The following MMP16 variants were observed in gnomAD, a reference collection of about 807,000 sequenced individuals.
The protein encoded by MMP16 is matrix metalloproteinase-16.
In MMP16, 12 loss-of-function variants were observed where a neutral mutation model predicts 67.8. That is an observed-to-expected ratio of 0.18 (90% CI 0.11 to 0.29). MMP16 has a LOEUF of 0.29. Ranked by LOEUF, MMP16 falls within the 10% of genes least tolerant of loss-of-function variation. The pLI is 1.00. For missense variants in MMP16, 475 were observed against 765.7 expected, an observed-to-expected ratio of 0.62 and a Z score of 4.48; for synonymous variants, 249 against 255.9, an observed-to-expected ratio of 0.97 and a Z score of 0.26.
At chr8:88,313,216 T>G (rs577334658) in intron 1 of MMP16, among the ~76,000 whole-genome samples, 48 of 152,328 alleles carry the variant, frequency 3.2e-4, no homozygotes, top group African/African-American at 1.1e-3. Context: ...CTCCAGTTTT[T>G]GGGGGCAGCT....
chr8:88,044,935 A>C (rs1317302423), intron 9 of MMP16, among the ~76,000 whole-genome samples: 1 of 152,236 alleles, frequency 6.6e-6, no homozygotes, highest in South Asian at 2.1e-4. Flanking sequence ...ATCTGATTTT[A>C]CTGCCTCCAA....
intron 6 of MMP16, among the ~76,000 whole-genome samples, chr8:88,087,429 A>G (rs1808852137): frequency 6.6e-6 from 1 of 151,876 alleles, no homozygotes; most frequent in Non-Finnish European, 1.5e-5. Context: ...AATAGTGGCC[A>G]GTGTGCCATG....
intron 1 of MMP16, among the ~76,000 whole-genome samples, chr8:88,243,823 C>G (rs187472569): frequency 5.9e-5 from 9 of 152,082 alleles, no homozygotes; most frequent in Non-Finnish European, 2.9e-5. Flanking sequence ...GAGTAATAAA[C>G]TGCTTTCTAG....
rs1215318434 is a variant in MMP16, at chr8:88,167,941, G to A, written c.437C>T (p.Pro146Leu). The A allele has an allele frequency of 1.9e-6, 3 of 1,612,918 alleles. No individual in the cohort carries two copies. Among genetic ancestry groups the A allele is most frequent in the Non-Finnish European group, 2.5e-6 (3 of 1,179,378 alleles). Residue 146 changes from proline to leucine, a missense_variant, in exon 4 of 10, where the codon CCT (proline) becomes CTT (leucine). By Grantham distance (98) the Pro-to-Leu change is moderately conservative. Transcript: ENST00000286614. ...IKNVTPKVGD[P>L]ETRKAIRRAF... ...ACGGCGAATAGCTTTACGAGTCTCA[G>A]GGTCTCCTACTTTTGGAGTTACGTT...
chr8:88,241,615 G>T (rs1236381267), intron 1 of MMP16, among the ~76,000 whole-genome samples: 1 of 152,008 alleles, frequency 6.6e-6, no homozygotes, highest in East Asian at 1.9e-4. Flanking sequence ...TATATAACAT[G>T]ATGTTTTGAT....
intron 1 of MMP16, among the ~76,000 whole-genome samples, chr8:88,271,838 G>A (rs906312607): frequency 6.6e-6 from 1 of 152,112 alleles, no homozygotes; most frequent in African/African-American, 2.4e-5. Context: ...ATGAGAACTT[G>A]GTAGATAACA....
intron 6 of MMP16, among the ~76,000 whole-genome samples, chr8:88,093,303 ATCT>A (rs1808970482): frequency 6.6e-6 from 1 of 151,894 alleles, no homozygotes; most frequent in African/African-American, 2.4e-5. Flanking sequence ...ATAATGCAGA[ATCT>A]TCTTGAGTAT....
At chr8:88,133,111 T>A (rs190041203) in intron 4 of MMP16, among the ~76,000 whole-genome samples, 213 of 151,994 alleles carry the variant, frequency 1.4e-3, no homozygotes, top group Admixed American at 2.8e-3. Flanking sequence ...TAGAAAATGA[T>A]CTAAACTGTA....
At chr8:88,310,080 T>C (rs1811272686) in intron 1 of MMP16, among the ~76,000 whole-genome samples, 1 of 152,076 alleles carries the variant, frequency 6.6e-6, no homozygotes, top group African/African-American at 2.4e-5. Flanking sequence ...TTTGGTGAAG[T>C]TGCTGTTCAA....
chr8:88,184,995 CT>C (rs1440450729), intron 3 of MMP16, among the ~76,000 whole-genome samples: 1 of 152,152 alleles, frequency 6.6e-6, no homozygotes, highest in Admixed American at 6.5e-5. Flanking sequence ...GTAAAAATAT[CT>C]TGTGAGCAAA....
At chr8:88,177,961 T>C (rs1357039199) in intron 3 of MMP16, among the ~76,000 whole-genome samples, 1 of 151,802 alleles carries the variant, frequency 6.6e-6, no homozygotes, top group Admixed American at 6.6e-5. Context: ...AGACATGGTA[T>C]GTATTTAAAG....
chr8:88,148,376 G>A (rs901663135), intron 4 of MMP16, among the ~76,000 whole-genome samples: 1 of 152,160 alleles, frequency 6.6e-6, no homozygotes, highest in African/African-American at 2.4e-5. Flanking sequence ...TTCCTTCAGT[G>A]TTAGTGATCT....
intron 6 of MMP16, among the ~76,000 whole-genome samples, chr8:88,089,684 G>T (rs534386040): frequency 6.6e-6 from 1 of 151,958 alleles, no homozygotes; most frequent in Non-Finnish European, 1.5e-5. Context: ...AGGGGAAGAC[G>T]TTCACTTGGG....
Position 88,059,984 on chromosome 8 carries a change from T to TAA in MMP16, c.1223-3708_1223-3707dup, listed in dbSNP as rs367848525. ...AAAGAGAAAAGAGAATGAGAAGAGATAAAAAAAAAAAAAGTGATACAAGGA... is the reference window on the plus strand; with the variant it reads ...AAAGAGAAAAGAGAATGAGAAGAGATAAAAAAAAAAAAAAAGTGATACAAGGA... On this transcript the variant is annotated intron_variant, in intron 7 of 9. Transcript: ENST00000286614. Among the ~76,000 whole-genome samples the TAA allele has an allele frequency of 3.4e-3, 463 of 135,154 alleles. 1 individual carries two copies. Among genetic ancestry groups the TAA allele is most frequent in the African/African-American group, 0.012 (432 of 36,692 alleles). The allele number at this position is 135,154 out of a possible 152,430, so 88.7% of individuals were successfully genotyped here.
intron 4 of MMP16, among the ~76,000 whole-genome samples, chr8:88,157,425 T>A: frequency 6.8e-6 from 1 of 147,386 alleles, no homozygotes; most frequent in Non-Finnish European, 1.5e-5. Context: ...CTGCAGGGAG[T>A]CCTCCCGTTC....
Position 88,199,445 on chromosome 8 carries a change from GAA to G in MMP16, c.133-2141_133-2140del, listed in dbSNP as rs1273889541. On this transcript the variant is annotated intron_variant, in intron 1 of 9. Coordinates refer to ENST00000286614, the MANE Select transcript of MMP16 (RefSeq NM_005941.5). ...ATTATTTTTAAGTGTAAAATACTGG[GAA>G]AGCTATGAGTTCTACCATTTTATGG... Among the ~76,000 whole-genome samples, 11 of 152,032 alleles carry G rather than the reference GAA, an allele frequency of 7.2e-5. No homozygotes were observed. In the East Asian group the frequency reaches 2.1e-3, roughly 29 times the overall value.
At chr8:88,218,240 T>C (rs1258084320) in intron 1 of MMP16, among the ~76,000 whole-genome samples, 1 of 151,960 alleles carries the variant, frequency 6.6e-6, no homozygotes, top group Non-Finnish European at 1.5e-5. Flanking sequence ...AAATATGAAC[T>C]TTTGATTAAA....
At chr8:88,077,288 A>G (rs1218883102) in intron 6 of MMP16, among the ~76,000 whole-genome samples, 2 of 152,208 alleles carry the variant, frequency 1.3e-5, no homozygotes, top group African/African-American at 4.8e-5. Flanking sequence ...TGTCATGGTT[A>G]CTATAGACTG....
At chr8:88,298,444 T>C (rs950392444) in intron 1 of MMP16, among the ~76,000 whole-genome samples, 2 of 152,190 alleles carry the variant, frequency 1.3e-5, no homozygotes, top group African/African-American at 4.8e-5. Context: ...CATGTGGGAT[T>C]GCTGAGATAG....
Sources: allele counts gnomAD v4.1 joint callset (sites outside exome capture counted in the v4.1 genomes callset), GRCh38; gene constraint gnomAD v4.1.1; transcripts MANE v1.5; gene names NCBI Gene and HGNC (gene_info 2026-07-23, HGNC 2026-07-21).